Variants in MKLN1 observed in about 807,000 individuals in gnomAD.
The protein encoded by MKLN1 is muskelin.
In MKLN1, 18 loss-of-function variants were observed where a neutral mutation model predicts 99.0. The ratio of observed to expected loss-of-function variants is 0.18; its 90% CI spans 0.13 to 0.27. The LOEUF (loss-of-function observed/expected upper bound fraction) is 0.27, where lower values mean the gene tolerates loss of function less well. Ranked by LOEUF, MKLN1 falls within the 10% of genes least tolerant of loss-of-function variation. The pLI is 1.00. For missense variants in MKLN1, 621 were observed against 875.9 expected, an observed-to-expected ratio of 0.71 and a Z score of 3.67; for synonymous variants, 288 against 293.2, an observed-to-expected ratio of 0.98 and a Z score of 0.18.
chr7:131,283,273 A>C (rs1798078464), intron 3 of MKLN1, among the ~76,000 whole-genome samples: 1 of 151,758 alleles, frequency 6.6e-6, no homozygotes, highest in African/African-American at 2.4e-5. Context: ...GCTTGCCATG[A>C]TAAAACCTTC....
At chr7:131,270,621 C>T (rs929092294) in intron 3 of MKLN1, among the ~76,000 whole-genome samples, 2 of 152,196 alleles carry the variant, frequency 1.3e-5, no homozygotes, top group African/African-American at 4.8e-5. Flanking sequence ...AATCTTCATT[C>T]ATCTATTTAT....
chr7:131,229,286 A>G (rs933207386), intron 3 of MKLN1, among the ~76,000 whole-genome samples: 8 of 151,636 alleles, frequency 5.3e-5, no homozygotes, highest in African/African-American at 1.9e-4. Context: ...TACATTAGGT[A>G]TTTCTCCTAA....
intron 2 of MKLN1, among the ~76,000 whole-genome samples, chr7:131,198,250 T>C (rs1796677732): frequency 6.6e-6 from 1 of 152,158 alleles, no homozygotes; most frequent in Non-Finnish European, 1.5e-5. Context: ...CAAAAGAAAA[T>C]TTCTGAGATT....
At position 131,397,322 on chromosome 7, in the gene MKLN1, T is replaced by C; in HGVS notation, c.456T>C (p.Leu152=). ...SFNFSIWYVE[L]SGIDDPDIVQ... Reference sequence around the variant, plus strand: ...ACTTTAGCATCTGGTATGTTGAACTTAGTGGCATTGATGATCCTGATATAG... The same window carrying C: ...ACTTTAGCATCTGGTATGTTGAACTCAGTGGCATTGATGATCCTGATATAG... The change falls in exon 5 of 18, where the codon CTT becomes CTC. Residue 152 remains leucine (L), a synonymous_variant. Transcript: ENST00000352689. The C allele has an allele frequency of 6.2e-7, 1 of 1,613,538 alleles. No homozygotes were observed. Among genetic ancestry groups the C allele is most frequent in the Non-Finnish European group, 8.5e-7 (1 of 1,179,638 alleles).
chr7:131,110,741 C>T (rs1314652326), intron 1 of MKLN1, among the ~76,000 whole-genome samples: 2 of 152,206 alleles, frequency 1.3e-5, no homozygotes, highest in Admixed American at 1.3e-4. Context: ...CCCCAAGTTC[C>T]TTTGACCAGC....
At chr7:131,117,165 C>G (rs765877425) in intron 1 of MKLN1, among the ~76,000 whole-genome samples, 1 of 151,946 alleles carries the variant, frequency 6.6e-6, no homozygotes, top group Non-Finnish European at 1.5e-5. Flanking sequence ...GGCGCGGTGG[C>G]TCAGGCCTGT....
chr7:131,314,423 T>TTTG (rs1563288889), intron 3 of MKLN1, among the ~76,000 whole-genome samples: 1 of 152,002 alleles, frequency 6.6e-6, no homozygotes, highest in African/African-American at 2.4e-5. Context: ...TGAATCTCAT[T>TTTG]TTTGTTTGTT....
At chr7:131,456,003 A>T (rs1380580645) in intron 12 of MKLN1, among the ~76,000 whole-genome samples, 2 of 151,952 alleles carry the variant, frequency 1.3e-5, no homozygotes, top group Non-Finnish European at 2.9e-5. Flanking sequence ...CTGAATTCAC[A>T]TTATTGCATT....
intron 2 of MKLN1, among the ~76,000 whole-genome samples, chr7:131,189,495 T>C (rs1796502088): frequency 6.6e-6 from 1 of 151,148 alleles, no homozygotes; most frequent in Admixed American, 6.7e-5. Flanking sequence ...CTTACGGTAT[T>C]TCAGAATCCC....
chr7:131,229,978 C>G (rs770578931), intron 3 of MKLN1, among the ~76,000 whole-genome samples: 6 of 152,146 alleles, frequency 3.9e-5, no homozygotes, highest in Admixed American at 3.9e-4. Flanking sequence ...AAATATACTT[C>G]GGGGTAAAAT....
chr7:131,253,881 G>A (rs1012384328), intron 3 of MKLN1, among the ~76,000 whole-genome samples: 3 of 152,228 alleles, frequency 2.0e-5, no homozygotes, highest in African/African-American at 7.2e-5. Context: ...AGGCTGATTG[G>A]TTTACCAGGG....
rs1050342429 is a variant in MKLN1 at position 131,348,951 on chromosome 7, G to A, written c.98+20954G>A. On this transcript the variant is annotated intron_variant, in intron 1 of 17. Transcript: ENST00000352689. ...TTATTTTTTTCTCATACAAAATGAG[G>A]GATTTAGATTCTGAAGGTATTTTTT... Among the ~76,000 whole-genome samples, 8 of 152,016 alleles carry A rather than the reference G, an allele frequency of 5.3e-5. 1 individual carries two copies. The highest frequency in any genetic ancestry group is 1.9e-4 in the African/African-American group (8 of 41,440).
chr7:131,181,506 G>A (rs1017344263), intron 2 of MKLN1, among the ~76,000 whole-genome samples: 3 of 152,010 alleles, frequency 2.0e-5, no homozygotes, highest in African/African-American at 4.8e-5. Context: ...CCAGGTGTTC[G>A]AGACCAGCTT....
chr7:131,360,563 A>G (rs1231405110), intron 1 of MKLN1, among the ~76,000 whole-genome samples: 1 of 152,152 alleles, frequency 6.6e-6, no homozygotes, highest in Non-Finnish European at 1.5e-5. Flanking sequence ...CATGTACCTA[A>G]TATCAGAGTA....
intron 3 of MKLN1, among the ~76,000 whole-genome samples, chr7:131,322,070 G>A (rs1798788707): frequency 6.6e-6 from 1 of 152,230 alleles, no homozygotes; most frequent in Admixed American, 6.5e-5. Context: ...CCCTGGCTAG[G>A]AATTGAACTC....
At chr7:131,472,716 C>T (rs973792020) in intron 16 of MKLN1, among the ~76,000 whole-genome samples, 2 of 151,808 alleles carry the variant, frequency 1.3e-5, no homozygotes, top group African/African-American at 2.4e-5. Flanking sequence ...TTTGGGAGGC[C>T]GAGGCGGGCG....
At chr7:131,187,810 G>A (rs1796475005) in intron 2 of MKLN1, among the ~76,000 whole-genome samples, 1 of 152,122 alleles carries the variant, frequency 6.6e-6, no homozygotes, top group African/African-American at 2.4e-5. Flanking sequence ...AAAAAAACTA[G>A]CCAGGCATGG....
At chr7:131,455,788 G>A (rs1163401963) in intron 12 of MKLN1, among the ~76,000 whole-genome samples, 1 of 152,172 alleles carries the variant, frequency 6.6e-6, no homozygotes, top group Admixed American at 6.5e-5. Flanking sequence ...GCTCTTGCCT[G>A]TAATCCCAAC....
intron 3 of MKLN1, among the ~76,000 whole-genome samples, chr7:131,248,303 G>C (rs1437770668): frequency 6.6e-6 from 1 of 152,074 alleles, no homozygotes; most frequent in African/African-American, 2.4e-5. Context: ...TTTTAATAGA[G>C]TCAAAGGAAA....
Sources: gnomAD v4.1 joint callset for allele counts (sites outside exome capture counted in the v4.1 genomes callset) on GRCh38, gnomAD v4.1.1 for gene constraint, MANE v1.5 for transcripts, NCBI Gene and HGNC (gene_info 2026-07-23, HGNC 2026-07-21) for gene names.